ARL9: variants seen among roughly 807,000 people sequenced by gnomAD.
The protein encoded by ARL9 is ADP-ribosylation factor-like protein 9.
Under a neutral mutation model 27.0 loss-of-function variants are expected in ARL9, and 14 were observed. The ratio of observed to expected loss-of-function variants is 0.52; its 90% confidence interval spans 0.34 to 0.81. ARL9 has a LOEUF of 0.81. Ranked by LOEUF, ARL9 falls within the 30% of genes least tolerant of loss-of-function variation. ARL9 has a pLI of 0.01. For missense variants in ARL9, 294 were observed against 290.0 expected, an observed-to-expected ratio of 1.01 and a Z score of -0.10; for synonymous variants, 106 against 108.7, an observed-to-expected ratio of 0.98 and a Z score of 0.15.
chr4:56,522,890 C>T (rs1721966606), intron 3 of ARL9, among the ~76,000 whole-genome samples: 1 of 152,108 alleles, frequency 6.6e-6, no homozygotes, highest in South Asian at 2.1e-4. Context: ...CTCTGTCTTC[C>T]TCTACTCCCC....
chr4:56,507,678 TAAGA>T (rs1034847131), intron 1 of ARL9, among the ~76,000 whole-genome samples: 1 of 148,620 alleles, frequency 6.7e-6, no homozygotes, highest in South Asian at 2.2e-4. Context: ...TAGGTACCAC[TAAGA>T]AAGAAAAAAA....
At chr4:56,510,248 G>A (rs549002624) in intron 1 of ARL9, among the ~76,000 whole-genome samples, 10 of 151,360 alleles carry the variant, frequency 6.6e-5, no homozygotes, top group Admixed American at 3.9e-4. Context: ...TCAGCTACTC[G>A]GGAGGCTGAG....
intron 1 of ARL9, among the ~76,000 whole-genome samples, chr4:56,509,204 T>TTC (rs200522955): frequency 6.5e-4 from 71 of 109,154 alleles, no homozygotes; most frequent in Middle Eastern, 4.4e-3. Flanking sequence ...TCTTTTTCTT[T>TTC]TTTTTGTTTT....
At chr4:56,509,449 G>A (rs915206446) in intron 1 of ARL9, among the ~76,000 whole-genome samples, 1 of 151,726 alleles carries the variant, frequency 6.6e-6, no homozygotes, top group African/African-American at 2.4e-5. Context: ...ATCCACCAGC[G>A]TCAGCCTCCT....
At chr4:56,512,538 C>CTTTT (rs34744797) in intron 2 of ARL9, among the ~76,000 whole-genome samples, 14 of 130,058 alleles carry the variant, frequency 1.1e-4, no homozygotes, top group East Asian at 4.5e-4. Context: ...ATCAATCATT[C>CTTTT]TTTTTTTTTT....
intron 3 of ARL9, among the ~76,000 whole-genome samples, chr4:56,519,992 G>A (rs994197110): frequency 2.6e-5 from 4 of 151,140 alleles, no homozygotes; most frequent in Non-Finnish European, 2.9e-5. Flanking sequence ...ACAGGCATGC[G>A]CCACCACTCC....
Position 56,518,379 on chromosome 4 carries a change from C to A in ARL9, c.443-299C>A, listed in dbSNP as rs144333974. ...GCTATAACTGATAAACATGCAGTGGCTGACATGGCTGCTGTGGACAATGGG... is the reference window on the plus strand; with the variant it reads ...GCTATAACTGATAAACATGCAGTGGATGACATGGCTGCTGTGGACAATGGG... On this transcript the variant is annotated intron_variant, in intron 2 of 3. Transcript: ENST00000640821. 2.1e-3 allele frequency among the ~76,000 whole-genome samples: 327 copies of A among 152,258 alleles called. 1 individual carries two copies. Among genetic ancestry groups the A allele is most frequent in the African/African-American group, 7.3e-3 (305 of 41,546 alleles).
chr4:56,522,347 G>A (rs1721947685), intron 3 of ARL9, among the ~76,000 whole-genome samples: 1 of 151,820 alleles, frequency 6.6e-6, no homozygotes, highest in South Asian at 2.1e-4. Context: ...CTTGAACCTG[G>A]GAGGCGGAGG....
chr4:56,507,793 G>C (rs544218954), intron 1 of ARL9, among the ~76,000 whole-genome samples: 1 of 151,038 alleles, frequency 6.6e-6, no homozygotes, highest in South Asian at 2.1e-4. Context: ...AGCCAACATG[G>C]CAAAACCCCA....
At chr4:56,515,958 A>T (rs1721756162) in intron 2 of ARL9, among the ~76,000 whole-genome samples, 1 of 152,224 alleles carries the variant, frequency 6.6e-6, no homozygotes, top group Non-Finnish European at 1.5e-5. Flanking sequence ...GCTAAAATTT[A>T]CATGGGTGAG....
At chr4:56,515,354 C>T (rs1459615308) in intron 2 of ARL9, among the ~76,000 whole-genome samples, 5 of 151,638 alleles carry the variant, frequency 3.3e-5, no homozygotes, top group Admixed American at 3.3e-4. Context: ...AGAAAAAAAT[C>T]TGCTAAATTC....
In ARL9 at chr4:56,522,039, A is replaced by G. The variant is rs1261060749; in HGVS notation, c.619-1658A>G. Among the ~76,000 whole-genome samples the G allele has an allele frequency of 2.0e-5, 3 of 150,002 alleles. No homozygotes were observed. The East Asian group carries it at 5.9e-4, about 30-fold the overall frequency. On this transcript the variant is annotated intron_variant, in intron 3 of 3. Coordinates refer to ENST00000640821, the MANE Select transcript of ARL9 (RefSeq NM_001363794.2). Reference sequence around the variant, plus strand: ...CTCACTCCATCACCCAAGCTGGAGTACAGTGGTGTGATCTCGGCTCACTGC... The same window carrying G: ...CTCACTCCATCACCCAAGCTGGAGTGCAGTGGTGTGATCTCGGCTCACTGC...
At chr4:56,511,393 C>G in intron 2 of ARL9, 46 bp downstream of exon 2, 1 of 1,547,412 alleles carries the variant, frequency 6.5e-7, no homozygotes, top group Non-Finnish European at 8.8e-7. Context: ...ATTTTATTGT[C>G]TCTTAAGCCA....
At chr4:56,523,579 C>G (rs1028781433) in intron 3 of ARL9, 118 bp from the exon 4 acceptor site, 1 of 750,108 alleles carries the variant, frequency 1.3e-6, no homozygotes, top group South Asian at 2.0e-5. Context: ...GTCACAATAG[C>G]CTCTATATGA....
At chr4:56,519,637 A>G (rs1187339645) in intron 3 of ARL9, among the ~76,000 whole-genome samples, 2 of 152,110 alleles carry the variant, frequency 1.3e-5, no homozygotes, top group Non-Finnish European at 2.9e-5. Context: ...TGATGCAGCA[A>G]TTCCACTTCT....
At chr4:56,509,430 C>T (rs965897916) in intron 1 of ARL9, among the ~76,000 whole-genome samples, 2 of 151,912 alleles carry the variant, frequency 1.3e-5, no homozygotes, top group African/African-American at 4.8e-5. Flanking sequence ...AAACTCTTGG[C>T]CTCAAGCGAT....
chr4:56,515,490 A>G (rs1721744340), intron 2 of ARL9, among the ~76,000 whole-genome samples: 1 of 152,162 alleles, frequency 6.6e-6, no homozygotes, highest in Non-Finnish European at 1.5e-5. Context: ...CTTTCATTCA[A>G]CATTATACAG....
At position 56,523,803 on chromosome 4, in the gene ARL9, A is replaced by G; in HGVS notation, c.725A>G (p.Asn242Ser). 6.2e-7 allele frequency: 1 copy of G among 1,614,000 alleles called. No individual in the cohort carries two copies. Among genetic ancestry groups the G allele is most frequent in the Non-Finnish European group, 8.5e-7 (1 of 1,179,880 alleles). Residue 242 changes from asparagine to serine, a missense_variant, in exon 4 of 4, where the codon AAT becomes AGT. Physicochemically the swap from Asn to Ser is conservative, Grantham distance 46 (BLOSUM62 1). Transcript: ENST00000640821. ...MFLFGTYLTK[N>S]GSEIPSTMQD... ...TTGTTTGGAACCTACCTGACTAAGA[A>G]TGGCTCAGAGATACCCTCCACCATG...
chr4:56,505,369 C>T (rs548891850), upstream of ARL9: 4 of 457,106 alleles, frequency 8.8e-6, no homozygotes, highest in Non-Finnish European at 1.3e-5. Flanking sequence ...AGAATCCTCC[C>T]GGAACCTCTG....
Sources: allele counts gnomAD v4.1 joint callset (sites outside exome capture counted in the v4.1 genomes callset), GRCh38; gene constraint gnomAD v4.1.1; transcripts MANE v1.5; gene names NCBI Gene and HGNC (gene_info 2026-07-23, HGNC 2026-07-21).